The following GHR variants were observed in gnomAD, a reference collection of about 807,000 sequenced individuals.
The protein encoded by GHR is growth hormone receptor.
A neutral mutation model predicts 67.1 loss-of-function variants in GHR; 35 were observed. That is an observed-to-expected ratio of 0.52 (90% confidence interval 0.40 to 0.69). The LOEUF (loss-of-function observed/expected upper bound fraction) is 0.69, where lower values mean the gene tolerates loss of function less well. GHR is among the 30% of genes least tolerant of loss of function. GHR has a pLI of 0.00. For synonymous variants in GHR, 272 were observed against 269.1 expected (o/e 1.01, Z -0.10); for missense variants, 792 against 764.6 (o/e 1.04, Z -0.42).
chr5:42,534,363 T>C (rs1748147367), intron 1 of GHR, among the ~76,000 whole-genome samples: 1 of 140,444 alleles, frequency 7.1e-6, no homozygotes, highest in Non-Finnish European at 1.5e-5. Flanking sequence ...TATATGTACA[T>C]GTGTATATGT....
At chr5:42,712,016 AC>A (rs1758485266) in intron 7 of GHR, among the ~76,000 whole-genome samples, 1 of 152,116 alleles carries the variant, frequency 6.6e-6, no homozygotes, top group African/African-American at 2.4e-5. Context: ...AAGAATTAAA[AC>A]TTTTAGATAC....
intron 3 of GHR, among the ~76,000 whole-genome samples, chr5:42,638,877 A>G (rs1488294714): frequency 6.6e-6 from 1 of 151,880 alleles, no homozygotes; most frequent in Non-Finnish European, 1.5e-5. Flanking sequence ...TTCTAATGAC[A>G]TATAAAATTA....
chr5:42,461,091 A>G (rs1344040526), intron 1 of GHR, among the ~76,000 whole-genome samples: 1 of 152,102 alleles, frequency 6.6e-6, no homozygotes, highest in African/African-American at 2.4e-5. Context: ...TTCTTCCCCA[A>G]TAAGGAAGAA....
At chr5:42,626,824 A>C (rs897130511) in intron 2 of GHR, among the ~76,000 whole-genome samples, 5 of 152,210 alleles carry the variant, frequency 3.3e-5, no homozygotes, top group Non-Finnish European at 7.3e-5. Flanking sequence ...CTCAGTGTTT[A>C]CTGTGGGCCT....
At chr5:42,588,017 G>C (rs1751575304) in intron 2 of GHR, among the ~76,000 whole-genome samples, 1 of 152,140 alleles carries the variant, frequency 6.6e-6, no homozygotes, top group South Asian at 2.1e-4. Context: ...TGCCAGAGAG[G>C]GCTGAGTCAG....
chr5:42,621,434 C>G (rs1753439487), intron 2 of GHR, among the ~76,000 whole-genome samples: 1 of 152,026 alleles, frequency 6.6e-6, no homozygotes, highest in African/African-American at 2.4e-5. Flanking sequence ...CATGCACAAG[C>G]TTATGTCAGG....
chr5:42,696,166 T>G (rs1304027639), intron 5 of GHR, among the ~76,000 whole-genome samples: 12 of 152,228 alleles, frequency 7.9e-5, no homozygotes, highest in Non-Finnish European at 1.6e-4. Context: ...TCTCTGCCAA[T>G]AGCCAGTCCT....
intron 1 of GHR, among the ~76,000 whole-genome samples, chr5:42,457,333 T>A (rs995888248): frequency 1.3e-5 from 2 of 152,244 alleles, no homozygotes; most frequent in African/African-American, 2.4e-5. Context: ...TAATCCTTTG[T>A]GCCTTGTTAA....
chr5:42,454,637 G>C (rs1230833308), intron 1 of GHR, among the ~76,000 whole-genome samples: 1 of 152,184 alleles, frequency 6.6e-6, no homozygotes, highest in Non-Finnish European at 1.5e-5. Context: ...CACCAGGGAA[G>C]TGGAGAATAG....
intron 1 of GHR, among the ~76,000 whole-genome samples, chr5:42,425,563 AT>A (rs1241026840): frequency 6.6e-6 from 1 of 152,210 alleles, no homozygotes; most frequent in East Asian, 1.9e-4. Flanking sequence ...TTATTCAGTG[AT>A]TGGGAGCTCT....
At chr5:42,717,773 C>T (rs1758789517) in intron 8 of GHR, among the ~76,000 whole-genome samples, 1 of 151,944 alleles carries the variant, frequency 6.6e-6, no homozygotes, top group African/African-American at 2.4e-5. Flanking sequence ...AAATAAAAAG[C>T]ATTAAGAAAA....
At chr5:42,557,200 A>T (rs754232125) in intron 1 of GHR, among the ~76,000 whole-genome samples, 2 of 152,202 alleles carry the variant, frequency 1.3e-5, no homozygotes, top group Non-Finnish European at 2.9e-5. Context: ...CCCAAGCACA[A>T]ATAGGCTGTA....
intron 4 of GHR, among the ~76,000 whole-genome samples, chr5:42,692,657 T>A (rs1260160937): frequency 4.6e-5 from 7 of 152,206 alleles, no homozygotes; most frequent in Admixed American, 4.6e-4. Context: ...GTGGAGTTCA[T>A]GGATTTGGGA....
At chr5:42,490,154 C>T (rs894399191) in intron 1 of GHR, among the ~76,000 whole-genome samples, 11 of 152,206 alleles carry the variant, frequency 7.2e-5, no homozygotes, top group African/African-American at 2.7e-4. Context: ...AGAGCTCTAG[C>T]ATTTACTTAC....
intron 1 of GHR, among the ~76,000 whole-genome samples, chr5:42,470,048 A>G (rs1034922861): frequency 1.5e-5 from 2 of 134,468 alleles, no homozygotes; most frequent in African/African-American, 5.7e-5. Context: ...TACTACTAAT[A>G]TAATTAATAA....
intron 2 of GHR, among the ~76,000 whole-genome samples, chr5:42,573,419 C>A (rs1750446409): frequency 6.6e-6 from 1 of 152,042 alleles, no homozygotes; most frequent in African/African-American, 2.4e-5. Context: ...TGTGTGGGAG[C>A]CTGATGTCCT....
At position 42,719,013 on chromosome 5, in the gene GHR, C is replaced by T; in HGVS notation, c.1506C>T (p.Ser502=). ...CACCAGCAGGTAGTGTGGTCCTTTC[C>T]CCGGGCCAAAAGAATAAGGCAGGGA... The part of the protein sequence containing the change: ...DITPAGSVVL[S]PGQKNKAGMS... Residue 502 remains serine, a synonymous_variant, in exon 10 of 10, where the codon TCC becomes TCT. Transcript: ENST00000230882. 6.2e-7 allele frequency: 1 copy of T among 1,606,748 alleles called. No individual in the cohort carries two copies. The highest frequency in any genetic ancestry group is 8.5e-7 in the Non-Finnish European group (1 of 1,175,388).
chr5:42,648,294 A>G (rs1754845120), intron 3 of GHR, among the ~76,000 whole-genome samples: 1 of 152,156 alleles, frequency 6.6e-6, no homozygotes, highest in Non-Finnish European at 1.5e-5. Flanking sequence ...AAGGACAGGA[A>G]ATTGTGGGTT....
chr5:42,691,284 C>T (rs1757412194), intron 4 of GHR, among the ~76,000 whole-genome samples: 2 of 152,154 alleles, frequency 1.3e-5, no homozygotes, highest in African/African-American at 2.4e-5. Context: ...AGTGCCAACC[C>T]AAACTTACAA....
Sources: gnomAD v4.1 joint callset for allele counts (sites outside exome capture counted in the v4.1 genomes callset) on GRCh38, gnomAD v4.1.1 for gene constraint, MANE v1.5 for transcripts, NCBI Gene and HGNC (gene_info 2026-07-23, HGNC 2026-07-21) for gene names.